Variants in CPEB2 observed in about 807,000 individuals in gnomAD.
The protein encoded by CPEB2 is cytoplasmic polyadenylation element binding protein 2.
In CPEB2, 56 loss-of-function variants were observed where a neutral mutation model predicts 93.6. The ratio of observed to expected loss-of-function variants is 0.60; its 90% confidence interval spans 0.48 to 0.75. CPEB2 has a LOEUF of 0.75. Among genes scored for constraint, CPEB2 ranks in the 30% least tolerant of loss-of-function variants. The pLI, the probability that CPEB2 is intolerant of heterozygous loss-of-function variation, is 0.00. For missense variants in CPEB2, 1,579 were observed against 1,395.1 expected, an observed-to-expected ratio of 1.13 and a Z score of -2.10; for synonymous variants, 764 against 586.3, an observed-to-expected ratio of 1.30 and a Z score of -4.38.
rs910363451 is a variant in CPEB2 at position 15,003,750 on chromosome 4, G to A, written c.1077G>A (p.Gly359=). ...GCGGCGGCGGCGGCGGCGGGGGCGG[G>A]GGGCCCCCAGGAGGCGGAGGGGGAG... ...HPGGGGGGGG[G]GPPGGGGGGG... is the part of the protein sequence containing the mutation. The change falls in exon 1 of 12, where the codon GGG becomes GGA. Residue 359 remains glycine, a synonymous_variant. Coordinates refer to ENST00000538197, the MANE Select transcript of CPEB2 (RefSeq NM_001177382.2). The A allele has an allele frequency of 1.6e-6, 2 of 1,260,648 alleles. No homozygotes were observed. The highest frequency in any genetic ancestry group is 8.0e-5 in the Admixed American group (2 of 25,086). 78.1% of individuals were successfully genotyped at this position (1,260,648 alleles called of 1,614,324 possible). A position where few individuals can be genotyped will look rare whatever the true frequency, so the allele number is the denominator to read the frequency against.
chr4:15,046,322 T>C (rs1030405981), intron 6 of CPEB2, among the ~76,000 whole-genome samples: 4 of 152,140 alleles, frequency 2.6e-5, no homozygotes, highest in Non-Finnish European at 5.9e-5. Flanking sequence ...ACCTCCTAGG[T>C]TGAAGCGATT....
At chr4:15,021,433 C>T (rs1382001930) in intron 4 of CPEB2, among the ~76,000 whole-genome samples, 2 of 151,600 alleles carry the variant, frequency 1.3e-5, no homozygotes, top group Non-Finnish European at 2.9e-5. Context: ...ATATATATTC[C>T]CCCTTTAACA....
intron 3 of CPEB2, among the ~76,000 whole-genome samples, chr4:15,011,858 A>G (rs746778641): frequency 3.3e-5 from 5 of 152,190 alleles, no homozygotes; most frequent in East Asian, 1.9e-4. Context: ...GGAATTATCA[A>G]TATATCAACT....
intron 5 of CPEB2, among the ~76,000 whole-genome samples, chr4:15,038,063 A>G (rs1726809581): frequency 1.3e-5 from 2 of 152,312 alleles, no homozygotes; most frequent in African/African-American, 4.8e-5. Context: ...CACATGGTTT[A>G]GCTTCATCTG....
At chr4:15,009,174 T>C (rs1484027265) in intron 3 of CPEB2, among the ~76,000 whole-genome samples, 3 of 152,246 alleles carry the variant, frequency 2.0e-5, no homozygotes, top group Non-Finnish European at 2.9e-5. Context: ...GAGCTCAAGT[T>C]TGAATGAGCA....
chr4:15,029,670 C>CTTGA (rs1725869772), intron 4 of CPEB2, among the ~76,000 whole-genome samples: 1 of 152,014 alleles, frequency 6.6e-6, no homozygotes, highest in South Asian at 2.1e-4. Flanking sequence ...TCCTAAGTGG[C>CTTGA]TTGAGTAAGA....
intron 8 of CPEB2, among the ~76,000 whole-genome samples, chr4:15,057,821 C>T (rs1728853012): frequency 6.6e-6 from 1 of 152,168 alleles, no homozygotes. Context: ...AGCCTTCCTA[C>T]TGTAGCTTTC....
intron 6 of CPEB2, among the ~76,000 whole-genome samples, chr4:15,047,663 A>G (rs549576434): frequency 3.9e-5 from 6 of 152,132 alleles, no homozygotes; most frequent in African/African-American, 1.2e-4. Flanking sequence ...TACATGTACA[A>G]TTATGTCTAT....
At chr4:15,019,343 C>A (rs1724564606) in intron 4 of CPEB2, among the ~76,000 whole-genome samples, 1 of 151,254 alleles carries the variant, frequency 6.6e-6, no homozygotes, top group Non-Finnish European at 1.5e-5. Flanking sequence ...CTTATTAATA[C>A]AAATTCCACT....
At chr4:15,006,984 G>A (rs999342707) in intron 1 of CPEB2, among the ~76,000 whole-genome samples, 3 of 152,054 alleles carry the variant, frequency 2.0e-5, no homozygotes, top group African/African-American at 7.2e-5. Context: ...AATCTTCAGA[G>A]TTAATTTCAA....
intron 6 of CPEB2, among the ~76,000 whole-genome samples, chr4:15,045,894 T>C (rs1727629158): frequency 6.6e-6 from 1 of 152,164 alleles, no homozygotes; most frequent in Non-Finnish European, 1.5e-5. Flanking sequence ...AATGATTAGC[T>C]TTTTGTACGG....
At position 15,068,485 on chromosome 4, in the gene CPEB2, T is replaced by C. The variant is rs1414640012; in HGVS notation, c.*2105T>C. On this transcript the variant is annotated 3_prime_UTR_variant, in exon 12 of 12. Coordinates refer to ENST00000538197, the MANE Select transcript of CPEB2 (RefSeq NM_001177382.2). Reference sequence around the variant, plus strand: ...TTTTTATATCTCTGTGAGAGATTTTTCCAACAGTCAGCTATTTTATGGCAC... The same window carrying C: ...TTTTTATATCTCTGTGAGAGATTTTCCCAACAGTCAGCTATTTTATGGCAC... The C allele has an allele frequency of 6.6e-6, 1 of 152,340 alleles. No individual in the cohort carries two copies. Among genetic ancestry groups the C allele is most frequent in the Non-Finnish European group, 1.5e-5 (1 of 67,866 alleles). 9.4% of individuals were successfully genotyped at this position (152,340 alleles called of 1,614,324 possible). A position where few individuals can be genotyped will look rare whatever the true frequency, so the allele number is the denominator to read the frequency against.
chr4:15,046,853 T>C (rs1727754084), intron 6 of CPEB2, among the ~76,000 whole-genome samples: 1 of 152,188 alleles, frequency 6.6e-6, no homozygotes, highest in East Asian at 1.9e-4. Context: ...CATTCACCAT[T>C]AGTGTCATTT....
intron 5 of CPEB2, among the ~76,000 whole-genome samples, chr4:15,039,917 T>C (rs1166703965): frequency 6.6e-6 from 1 of 152,148 alleles, no homozygotes; most frequent in African/African-American, 2.4e-5. Context: ...TTAAATCCTG[T>C]CTAATCTGTA....
intron 11 of CPEB2, 125 bp downstream of exon 11, chr4:15,062,385 G>T: frequency 3.5e-6 from 2 of 565,786 alleles, no homozygotes; most frequent in Non-Finnish European, 5.7e-6. Flanking sequence ...AGTCTTAAAG[G>T]ATATTATATA....
intron 4 of CPEB2, among the ~76,000 whole-genome samples, chr4:15,019,254 A>G (rs1431208959): frequency 6.6e-6 from 1 of 151,866 alleles, no homozygotes; most frequent in East Asian, 1.9e-4. Context: ...TATTTCTACA[A>G]AGCACCATCA....
chr4:15,015,170 C>T (rs138721999), intron 3 of CPEB2, among the ~76,000 whole-genome samples: 64 of 152,128 alleles, frequency 4.2e-4, no homozygotes, highest in African/African-American at 1.4e-3. Flanking sequence ...TCTCAGGTTC[C>T]ACTCCAGACC....
chr4:15,019,326 T>C (rs1031139585), intron 4 of CPEB2, among the ~76,000 whole-genome samples: 2 of 151,954 alleles, frequency 1.3e-5, no homozygotes, highest in African/African-American at 2.4e-5. Context: ...TTTTTTTCCT[T>C]TCTTTTCTTA....
chr4:15,062,233 G>C lies in CPEB2; in HGVS notation c.2850G>C (p.Gln950His). Reference protein sequence around the residue: ...YIAAISARFVQLQHGDIDKRV... With the variant: ...YIAAISARFVHLQHGDIDKRV... ...CTGCCATTAGTGCTCGGTTTGTTCAGCTTCAGCATGGTGATATTGATAAAC... is the reference window on the plus strand; with the variant it reads ...CTGCCATTAGTGCTCGGTTTGTTCACCTTCAGCATGGTGATATTGATAAAC... The change falls in exon 11 of 12, where the codon CAG becomes CAC. Residue 950 changes from glutamine (Q) to histidine (H), a missense_variant. Around this residue, in one of 2 missense-constraint regions of CPEB2, gnomAD observed 168 missense variants for 339.1 expected, o/e 0.50. Transcript: ENST00000538197. The C allele has an allele frequency of 6.2e-7, 1 of 1,611,102 alleles. No individual in the cohort carries two copies. The highest frequency in any genetic ancestry group is 1.7e-5 in the Admixed American group (1 of 59,716).
Sources: allele counts gnomAD v4.1 joint callset (sites outside exome capture counted in the v4.1 genomes callset), GRCh38; gene constraint gnomAD v4.1.1; regional missense constraint gnomAD v4.1.1; transcripts MANE v1.5; gene names NCBI Gene and HGNC (gene_info 2026-07-23, HGNC 2026-07-21).